PDS5A: variants seen among roughly 807,000 people sequenced by gnomAD.
The protein encoded by PDS5A is PDS5 cohesin associated factor A.
Under a neutral mutation model 167.1 loss-of-function variants are expected in PDS5A, and 42 were observed. The observed-to-expected ratio is 0.25, with a 90% confidence interval of 0.20 to 0.33. PDS5A has a LOEUF of 0.33. PDS5A is among the 10% of genes least tolerant of loss of function. PDS5A has a pLI of 1.00. For missense variants in PDS5A, 1,033 were observed against 1,605.9 expected (o/e 0.64, Z 6.10); for synonymous variants, 553 against 554.6 (o/e 1.00, Z 0.04).
chr4:39,923,636 A>AAAACACACACACACAAACACAC (rs58654138), intron 5 of PDS5A, among the ~76,000 whole-genome samples: 41 of 89,826 alleles, frequency 4.6e-4, no homozygotes, highest in South Asian at 2.8e-3. Flanking sequence ...ACCCTGTCTC[A>AAAACACACACACACAAACACAC]AAACACACAC....
At position 39,948,312 on chromosome 4, in the gene PDS5A, C is replaced by CTT. The variant is rs552182165; in HGVS notation, c.139-20150_139-20149dup. 6.4e-3 allele frequency among the ~76,000 whole-genome samples: 517 copies of CTT among 80,928 alleles called. 2 individuals carry two copies. Among genetic ancestry groups the CTT allele is most frequent in the African/African-American group, 0.013 (254 of 19,292 alleles). 53.1% of individuals were successfully genotyped at this position (80,928 alleles called of 152,430 possible). ...ACAATAGCCAAAAGGTGAATCAAAC[C>CTT]TTTTTTTTTTTTTTTTTTTTTTTGA... is the stretch of plus-strand genomic sequence containing the variant. On this transcript the variant is annotated intron_variant, in intron 2 of 32. Transcript: ENST00000303538.
At chr4:39,859,300 A>C (rs1006630855) in intron 26 of PDS5A, among the ~76,000 whole-genome samples, 1 of 152,116 alleles carries the variant, frequency 6.6e-6, no homozygotes, top group East Asian at 1.9e-4. Context: ...AACAAAAAAA[A>C]CCAGACTGGG....
intron 8 of PDS5A, among the ~76,000 whole-genome samples, chr4:39,914,431 A>T (rs544654781): frequency 1.4e-4 from 22 of 152,112 alleles, no homozygotes; most frequent in African/African-American, 5.1e-4. Flanking sequence ...AAGTGCTGGG[A>T]TTATGGGCAT....
intron 2 of PDS5A, among the ~76,000 whole-genome samples, chr4:39,938,077 T>C (rs1274499195): frequency 6.6e-6 from 1 of 152,220 alleles, no homozygotes. Flanking sequence ...AGGCAAACAC[T>C]GAGCTGTAAC....
chr4:39,858,945 A>G (rs1718759042), intron 26 of PDS5A, among the ~76,000 whole-genome samples: 1 of 152,208 alleles, frequency 6.6e-6, no homozygotes, highest in Admixed American at 6.5e-5. Context: ...AAAGTACTGT[A>G]TAGGCAACAA....
At chr4:39,826,605 C>A (rs1260061807) in intron 32 of PDS5A, among the ~76,000 whole-genome samples, 1 of 151,942 alleles carries the variant, frequency 6.6e-6, no homozygotes, top group Non-Finnish European at 1.5e-5. Context: ...CCTGTCTCAG[C>A]CTCCTGAGTA....
At chr4:39,897,911 T>A in intron 16 of PDS5A, 2 of 386,446 alleles carry the variant, frequency 5.2e-6, no homozygotes, top group Non-Finnish European at 3.5e-6. Flanking sequence ...AAGTTTTCCC[T>A]CCTGATAGCT....
chr4:39,825,756 A>T lies in PDS5A; in HGVS notation c.4011-268T>A, dbSNP rs190845051. Among the ~76,000 whole-genome samples, 3 of 151,984 alleles carry T rather than the reference A, an allele frequency of 2.0e-5. No individual in the cohort carries two copies. The East Asian group carries it at 5.8e-4, about 29-fold the overall frequency. ...GCTAGAACTATAGGCGCACACCACCATGGCTGGCTAATTTTTAAATTATTT... is the reference window on the plus strand; with the variant it reads ...GCTAGAACTATAGGCGCACACCACCTTGGCTGGCTAATTTTTAAATTATTT... On this transcript the variant is annotated intron_variant, in intron 32 of 32. Coordinates refer to ENST00000303538, the MANE Select transcript of PDS5A (RefSeq NM_001100399.2).
chr4:39,911,335 G>T (rs971650717), intron 9 of PDS5A, among the ~76,000 whole-genome samples: 2 of 151,372 alleles, frequency 1.3e-5, no homozygotes, highest in African/African-American at 4.9e-5. Flanking sequence ...GGCAGAGGTT[G>T]CAGTGAGCAG....
intron 2 of PDS5A, chr4:39,974,310 T>C (rs1308070086): frequency 5.6e-6 from 3 of 532,060 alleles, no homozygotes; most frequent in Non-Finnish European, 1.1e-5. Context: ...CCATGAGTCA[T>C]GTCAACAGAG....
chr4:39,896,556 C>T (rs1275888718), intron 16 of PDS5A, among the ~76,000 whole-genome samples: 1 of 151,864 alleles, frequency 6.6e-6, no homozygotes, highest in Non-Finnish European at 1.5e-5. Flanking sequence ...TTCTTCAGCT[C>T]AGGAGTTCCA....
intron 11 of PDS5A, 23 bp from the exon 12 acceptor site, chr4:39,904,214 G>T: frequency 1.3e-6 from 2 of 1,568,812 alleles, no homozygotes; most frequent in Non-Finnish European, 1.7e-6. Context: ...AAATTTATTA[G>T]ATGAGCAAGA....
intron 17 of PDS5A, among the ~76,000 whole-genome samples, chr4:39,886,697 G>A (rs758150479): frequency 1.3e-5 from 2 of 150,970 alleles, no homozygotes; most frequent in Non-Finnish European, 2.9e-5. Context: ...TGGGCAACAA[G>A]AGTGAAACAC....
At chr4:39,941,918 A>AC (rs1383985440) in intron 2 of PDS5A, among the ~76,000 whole-genome samples, 1 of 152,138 alleles carries the variant, frequency 6.6e-6, no homozygotes, top group Non-Finnish European at 1.5e-5. Context: ...ACAGAGCAAG[A>AC]CCCCATCTCA....
intron 21 of PDS5A, 180 bp downstream of exon 21, chr4:39,872,806 G>C (rs1416606660): frequency 5.2e-6 from 2 of 382,868 alleles, no homozygotes; most frequent in African/African-American, 4.2e-5. Context: ...AATTCTAGTA[G>C]TAATAGCTAC....
intron 2 of PDS5A, among the ~76,000 whole-genome samples, chr4:39,956,045 G>A (rs1578821661): frequency 6.6e-6 from 1 of 151,786 alleles, no homozygotes; most frequent in African/African-American, 2.4e-5. Context: ...TTGAACATGG[G>A]AGGCAGAGGT....
intron 26 of PDS5A, 24 bp downstream of exon 26, chr4:39,862,195 T>C: frequency 2.1e-6 from 2 of 942,264 alleles, no homozygotes; most frequent in Non-Finnish European, 3.1e-6. Flanking sequence ...ATTTTTAGAG[T>C]TCTTGAAAAA....
intron 20 of PDS5A, among the ~76,000 whole-genome samples, chr4:39,873,390 T>C (rs1720209394): frequency 6.6e-6 from 1 of 152,158 alleles, no homozygotes; most frequent in African/African-American, 2.4e-5. Flanking sequence ...AAAAAGAAGT[T>C]TAAAGAAAAA....
intron 2 of PDS5A, among the ~76,000 whole-genome samples, chr4:39,946,699 G>A (rs893272474): frequency 6.6e-6 from 1 of 152,276 alleles, no homozygotes; most frequent in South Asian, 2.1e-4. Context: ...CGGATCACTT[G>A]AGGTCAGGAG....
Sources: allele counts gnomAD v4.1 joint callset (sites outside exome capture counted in the v4.1 genomes callset), GRCh38; gene constraint gnomAD v4.1.1; transcripts MANE v1.5; gene names NCBI Gene and HGNC (gene_info 2026-07-23, HGNC 2026-07-21).